Variants in C1orf21 observed in about 807,000 individuals in gnomAD.
C1orf21 encodes chromosome 1 open reading frame 21.
C1orf21 carries 3 observed loss-of-function variants against 18.7 expected under a neutral mutation model. The ratio of observed to expected loss-of-function variants is 0.16; its 90% confidence interval spans 0.07 to 0.42. The LOEUF (loss-of-function observed/expected upper bound fraction) is 0.42, where lower values mean the gene tolerates loss of function less well. Among genes scored for constraint, C1orf21 ranks in the 10% least tolerant of loss-of-function variants. C1orf21 has a pLI of 0.99. For synonymous variants in C1orf21, 41 were observed against 46.4 expected (o/e 0.88, Z 0.47); for missense variants, 104 against 143.6 (o/e 0.72, Z 1.41).
intron 1 of C1orf21, among the ~76,000 whole-genome samples, chr1:184,426,280 C>T (rs559385143): frequency 6.6e-6 from 1 of 152,278 alleles, no homozygotes; most frequent in South Asian, 2.1e-4. Flanking sequence ...ATGATCAGTT[C>T]GTCTGCCAGG....
intron 4 of C1orf21, among the ~76,000 whole-genome samples, chr1:184,591,573 A>G (rs184431858): frequency 8.7e-4 from 132 of 152,184 alleles, no homozygotes; most frequent in African/African-American, 2.8e-3. Flanking sequence ...TTGGGAGGCC[A>G]AGGCGGGAGG....
intron 2 of C1orf21, among the ~76,000 whole-genome samples, chr1:184,494,087 A>C (rs1401047189): frequency 6.6e-6 from 1 of 152,212 alleles, no homozygotes; most frequent in Admixed American, 6.5e-5. Flanking sequence ...GTGTCATGAG[A>C]ATACAAAAGG....
intron 3 of C1orf21, among the ~76,000 whole-genome samples, chr1:184,522,207 GTACA>G (rs1557993176): frequency 1.3e-5 from 2 of 152,026 alleles, no homozygotes; most frequent in African/African-American, 2.4e-5. Context: ...ATAGATATTT[GTACA>G]TACATGTGTA....
chr1:184,478,268 A>C, intron 2 of C1orf21, among the ~76,000 whole-genome samples: 1 of 152,158 alleles, frequency 6.6e-6, no homozygotes. Flanking sequence ...ATACATTTTC[A>C]GATTTAAAAT....
At chr1:184,465,716 A>G (rs1008057510) in intron 1 of C1orf21, among the ~76,000 whole-genome samples, 8 of 152,324 alleles carry the variant, frequency 5.3e-5, no homozygotes, top group Non-Finnish European at 1.0e-4. Flanking sequence ...ACAGAGACAG[A>G]CAGCTGGGGC....
chr1:184,601,947 A>G (rs1659590780), intron 5 of C1orf21, among the ~76,000 whole-genome samples: 1 of 152,178 alleles, frequency 6.6e-6, no homozygotes, highest in South Asian at 2.1e-4. Context: ...CCTACTGAAT[A>G]CTACACTAAG....
chr1:184,438,419 C>G (rs1347170416), intron 1 of C1orf21, among the ~76,000 whole-genome samples: 1 of 152,206 alleles, frequency 6.6e-6, no homozygotes, highest in Non-Finnish European at 1.5e-5. Context: ...GTCTGGATGA[C>G]TTGGTACCAG....
At chr1:184,560,764 C>A (rs1297142471) in intron 3 of C1orf21, among the ~76,000 whole-genome samples, 3 of 152,190 alleles carry the variant, frequency 2.0e-5, no homozygotes, top group African/African-American at 7.2e-5. Flanking sequence ...CAGCTTACCA[C>A]CTCTAAAAGG....
chr1:184,506,524 G>A (rs943003862), intron 2 of C1orf21, among the ~76,000 whole-genome samples: 7 of 152,170 alleles, frequency 4.6e-5, no homozygotes, highest in African/African-American at 1.7e-4. Flanking sequence ...CTCTCTTAGT[G>A]ATAGACAGCT....
At chr1:184,402,738 C>T (rs1656176145) in intron 1 of C1orf21, among the ~76,000 whole-genome samples, 1 of 151,948 alleles carries the variant, frequency 6.6e-6, no homozygotes, top group Non-Finnish European at 1.5e-5. Context: ...ATTGGTCTGT[C>T]CCTTCATGTT....
chr1:184,557,812 T>A (rs1180810515), intron 3 of C1orf21, among the ~76,000 whole-genome samples: 1 of 152,184 alleles, frequency 6.6e-6, no homozygotes, highest in Non-Finnish European at 1.5e-5. Context: ...GTTATTTTGT[T>A]TTAACATAAA....
At chr1:184,618,799 A>T (rs868365725) in intron 5 of C1orf21, among the ~76,000 whole-genome samples, 3 of 152,224 alleles carry the variant, frequency 2.0e-5, no homozygotes, top group Non-Finnish European at 4.4e-5. Context: ...AGACCAAGAG[A>T]GTCATGTGTT....
intron 1 of C1orf21, among the ~76,000 whole-genome samples, chr1:184,429,211 G>A (rs1571353546): frequency 1.3e-5 from 2 of 152,122 alleles, no homozygotes; most frequent in African/African-American, 4.8e-5. Context: ...TGTAGAAATG[G>A]ACCTCAGCAC....
At chr1:184,554,407 T>A (rs1658851305) in intron 3 of C1orf21, among the ~76,000 whole-genome samples, 1 of 152,158 alleles carries the variant, frequency 6.6e-6, no homozygotes, top group African/African-American at 2.4e-5. Context: ...GAGTAAGGTA[T>A]GGAGAAAGAA....
At chr1:184,555,716 G>A (rs1206600004) in intron 3 of C1orf21, among the ~76,000 whole-genome samples, 1 of 152,134 alleles carries the variant, frequency 6.6e-6, no homozygotes, top group Non-Finnish European at 1.5e-5. Flanking sequence ...GAGGACTGGA[G>A]GTGGGGTGGG....
At position 184,387,477 on chromosome 1, in the gene C1orf21, G is replaced by C. The variant is rs1655905195; in HGVS notation, c.-125+109G>C. ...GTGGGCAGGGAGGGAGGCCTGCGGG[G>C]TGTCTGCCGCACGGAAGGGATGGGA... On this transcript the variant is annotated intron_variant, in intron 1 of 5. Coordinates refer to ENST00000235307, the MANE Select transcript of C1orf21 (RefSeq NM_030806.4). The surrounding 1 kb of genome is among the most constrained non-coding windows in gnomAD (Gnocchi z 5.6). The C allele has an allele frequency of 6.6e-6, 1 of 152,382 alleles. No individual in the cohort carries two copies. Among genetic ancestry groups the C allele is most frequent in the South Asian group, 2.1e-4 (1 of 4,868 alleles). The allele number at this position is 152,382 out of a possible 1,614,324, so 9.4% of individuals were successfully genotyped here.
intron 1 of C1orf21, among the ~76,000 whole-genome samples, chr1:184,395,022 A>G (rs1306060109): frequency 6.6e-6 from 1 of 151,782 alleles, no homozygotes; most frequent in Non-Finnish European, 1.5e-5. Context: ...CTTCCCCTCT[A>G]CTGTGTCTCT....
chr1:184,612,941 T>C (rs1659760933), intron 5 of C1orf21, among the ~76,000 whole-genome samples: 1 of 152,182 alleles, frequency 6.6e-6, no homozygotes, highest in African/African-American at 2.4e-5. Context: ...CTAATTCTTT[T>C]TCCTTTTCCT....
intron 2 of C1orf21, among the ~76,000 whole-genome samples, chr1:184,506,869 A>T (rs943118379): frequency 1.3e-5 from 2 of 152,080 alleles, no homozygotes; most frequent in African/African-American, 4.8e-5. Context: ...TCCACATCCC[A>T]CTATACTCTC....
Sources: allele counts gnomAD v4.1 joint callset (sites outside exome capture counted in the v4.1 genomes callset), GRCh38; gene constraint gnomAD v4.1.1; non-coding constraint Gnocchi (gnomAD v3.1); transcripts MANE v1.5; gene names NCBI Gene and HGNC (gene_info 2026-07-23, HGNC 2026-07-21).